CEP131: variants seen among roughly 807,000 people sequenced by gnomAD.
CEP131 encodes centrosomal protein 131.
CEP131 carries 99 observed loss-of-function variants against 136.8 expected under a neutral mutation model. The observed-to-expected ratio is 0.72, with a 90% confidence interval of 0.62 to 0.86. The LOEUF is 0.86. CEP131 is among the 40% of genes least tolerant of loss of function. CEP131 has a pLI of 0.00. For missense variants in CEP131, 1,459 were observed against 1,463.0 expected (o/e 1.00, Z 0.04); for synonymous variants, 646 against 612.7 (o/e 1.05, Z -0.80).
rs1035482214 is a variant in CEP131 at position 81,203,880 on chromosome 17, G to T, written c.516-273C>A. 3 of 433,872 alleles carry T rather than the reference G, an allele frequency of 6.9e-6. No homozygotes were observed. Among genetic ancestry groups the T allele is most frequent in the African/African-American group, 6.0e-5 (3 of 49,960 alleles). 26.9% of individuals were successfully genotyped at this position (433,872 alleles called of 1,614,324 possible). On this transcript the variant is annotated intron_variant, in intron 5 of 25. Transcript: ENST00000450824. This position sits in a 1 kb window ranked among gnomAD's most constrained non-coding sequence, Gnocchi z 4.6. Reference sequence around the variant, plus strand: ...ACGCTGGACGTGCCCAAGACGGGGGGAGCAGCTCAGGCCAGCAGCTCACAA... The same window carrying T: ...ACGCTGGACGTGCCCAAGACGGGGGTAGCAGCTCAGGCCAGCAGCTCACAA...
At chr17:81,192,701 T>C in intron 19 of CEP131, 35 bp downstream of exon 19, 1 of 1,468,670 alleles carries the variant, frequency 6.8e-7, no homozygotes, top group Non-Finnish European at 9.3e-7. Context: ...CAGCGAGGGG[T>C]CCCTGGGAGA....
chr17:81,217,699 T>C (rs544745108), intron 2 of CEP131, among the ~76,000 whole-genome samples: 1 of 152,122 alleles, frequency 6.6e-6, no homozygotes, highest in Non-Finnish European at 1.5e-5. Context: ...AGAATTGAAG[T>C]GAACAGCTGG....
intron 10 of CEP131, 143 bp downstream of exon 10, chr17:81,199,238 G>T (rs1025429586): frequency 1.2e-5 from 13 of 1,044,262 alleles, no homozygotes; most frequent in Non-Finnish European, 1.8e-5. Context: ...GGTCAGCTGG[G>T]GGCCAAGGCC....
chr17:81,205,285 A>C (rs1174550727), intron 5 of CEP131, among the ~76,000 whole-genome samples: 1 of 150,392 alleles, frequency 6.6e-6, no homozygotes, highest in Non-Finnish European at 1.5e-5. Context: ...AAACAAAAAA[A>C]CACCAGAAGA....
At chr17:81,192,685 G>GGGGGGGGGGGGGGCCCC in intron 19 of CEP131, 51 bp downstream of exon 19, 2 of 478,426 alleles carry the variant, frequency 4.2e-6, no homozygotes, top group Non-Finnish European at 8.1e-6. Context: ...GGGGGGAGGG[G>GGGGGGGGGGGGGGCCCC]TCAGCCAGCG....
intron 13 of CEP131, 95 bp from the exon 14 acceptor site, chr17:81,197,150 C>CA: frequency 6.8e-7 from 1 of 1,461,748 alleles, no homozygotes; most frequent in Non-Finnish European, 9.0e-7. Context: ...CCTCTGGGGA[C>CA]AGAGGGGCTG....
chr17:81,194,792 G>A (rs1330552582), intron 17 of CEP131, 78 bp downstream of exon 17: 16 of 1,192,572 alleles, frequency 1.3e-5, no homozygotes, highest in African/African-American at 1.5e-5. Flanking sequence ...AATGCCTGAA[G>A]TTATGGCTCT....
Position 81,220,086 on chromosome 17 carries a change from G to A in CEP131, c.-17-13C>T. Reference sequence around the variant, plus strand: ...GACAAGGCAGGTCCTGAGCGGGGAAGCAAGAGCTGCAATGAGATGCCGTGG... The same window carrying A: ...GACAAGGCAGGTCCTGAGCGGGGAAACAAGAGCTGCAATGAGATGCCGTGG... On this transcript the variant is annotated splice_polypyrimidine_tract_variant and intron_variant, in intron 1 of 25. Transcript: ENST00000450824. 1 of 1,493,538 alleles carries A rather than the reference G, an allele frequency of 6.7e-7. No homozygotes were observed. The highest frequency in any genetic ancestry group is 8.9e-7 in the Non-Finnish European group (1 of 1,124,170). 92.5% of individuals were successfully genotyped at this position (1,493,538 alleles called of 1,614,324 possible).
At chr17:81,197,257 C>T in intron 13 of CEP131, 1 of 666,284 alleles carries the variant, frequency 1.5e-6, no homozygotes, top group East Asian at 2.9e-5. Context: ...GGGCCGTGGC[C>T]TCAGGAATAA....
intron 6 of CEP131, 84 bp from the exon 7 acceptor site, chr17:81,202,482 G>T (rs967799781): frequency 2.7e-6 from 4 of 1,494,666 alleles, no homozygotes; most frequent in Admixed American, 1.9e-5. Flanking sequence ...ACTCCCGGAA[G>T]TCCCAGGACT....
At chr17:81,205,004 T>C (rs1315813757) in intron 5 of CEP131, among the ~76,000 whole-genome samples, 1 of 152,132 alleles carries the variant, frequency 6.6e-6, no homozygotes, top group Non-Finnish European at 1.5e-5. Context: ...CTCACACCTA[T>C]AATCCTAGCA....
intron 2 of CEP131, among the ~76,000 whole-genome samples, chr17:81,210,783 A>C (rs1419457011): frequency 6.6e-6 from 1 of 151,624 alleles, no homozygotes; most frequent in Non-Finnish European, 1.5e-5. Context: ...AATTATTTTT[A>C]AATCTGAATC....
In CEP131 at chr17:81,191,139, C is replaced by T. The variant is rs190058667; in HGVS notation, c.2765+54G>A. On this transcript the variant is annotated intron_variant, in intron 22 of 25. Transcript: ENST00000450824. ...CAGCCCAGTCACACACGGGTCCTTG[C>T]GCCTCAGCTCGTGGGCCTCCCCAGC... 457 of 1,605,360 alleles carry T rather than the reference C, an allele frequency of 2.8e-4. 4 individuals are homozygous for T. The African/African-American group carries it at 4.0e-3, about 14-fold the overall frequency.
At chr17:81,197,236 A>G (rs74006011) in intron 13 of CEP131, among the ~76,000 whole-genome samples, 181 bp from the exon 14 acceptor site, 4,288 of 152,262 alleles carry the variant, frequency 0.028, 215 homozygotes, top group African/African-American at 0.098. Flanking sequence ...ATTGCTCAGT[A>G]CAGGAAATGG....
At chr17:81,196,618 C>T in intron 15 of CEP131, 83 bp downstream of exon 15, 1 of 1,512,858 alleles carries the variant, frequency 6.6e-7, no homozygotes, top group Admixed American at 2.1e-5. Flanking sequence ...AAGAAGCTCC[C>T]TGGCAGTGGG....
chr17:81,194,007 C>T lies in CEP131; in HGVS notation c.2240G>A (p.Arg747His), dbSNP rs375070740. 2.6e-5 allele frequency: 41 copies of T among 1,557,984 alleles called. No homozygotes were observed. The Middle Eastern group carries it at 5.1e-4, about 19-fold the overall frequency. Residue 747 changes from arginine (R) to histidine (H), a missense_variant, in exon 18 of 26, where the codon CGC becomes CAC. Physicochemically the swap from Arg to His is conservative, Grantham distance 29. Around this residue, in one of 3 missense-constraint regions of CEP131, gnomAD observed 1,026 missense variants for 964.2 expected, o/e 1.06. Transcript: ENST00000450824. The stretch of plus-strand genomic sequence containing the variant: ...CTGCTCCCGCAGCTCCTCGGCCTGG[C>T]GCAGGCAGCGCTGCGAGGCCCGCTC... ...SDERASQRCLRQAEELREQLE... is the reference protein window; with the variant it reads ...SDERASQRCLHQAEELREQLE...
chr17:81,189,874 C>A (rs764917131), intron 25 of CEP131, 31 bp from the exon 26 acceptor site: 3 of 1,612,496 alleles, frequency 1.9e-6, no homozygotes, highest in Non-Finnish European at 2.5e-6. Context: ...CAGGCCTGCT[C>A]CCAGCCCCGA....
At position 81,199,368 on chromosome 17, in the gene CEP131, G is replaced by A. The variant is rs755054006; in HGVS notation, c.1192+13C>T. 3 of 1,592,942 alleles carry A rather than the reference G, an allele frequency of 1.9e-6. No individual in the cohort carries two copies. The highest frequency in any genetic ancestry group is 1.3e-5 in the African/African-American group (1 of 74,776). ...CACCCCCCAGAGCAGGGCGGGCGTG[G>A]AGCCACTCTCACCAGTATTGTTGGC... On this transcript the variant is annotated intron_variant, in intron 10 of 25. Transcript: ENST00000450824.
At chr17:81,193,816 T>C in intron 18 of CEP131, 110 bp downstream of exon 18, 3 of 1,230,824 alleles carry the variant, frequency 2.4e-6, no homozygotes, top group Admixed American at 2.7e-5. Context: ...CCCTGCATGC[T>C]GCACTAAGAC....
Sources: gnomAD v4.1 joint callset for allele counts (sites outside exome capture counted in the v4.1 genomes callset) on GRCh38, gnomAD v4.1.1 for gene constraint, gnomAD v4.1.1 regional missense constraint, Gnocchi (gnomAD v3.1) non-coding constraint, MANE v1.5 for transcripts, NCBI Gene and HGNC (gene_info 2026-07-23, HGNC 2026-07-21) for gene names.